Variants in SLC38A10 observed in about 807,000 individuals in gnomAD.
SLC38A10 encodes solute carrier family 38 member 10.
A neutral mutation model predicts 81.0 loss-of-function variants in SLC38A10; 53 were observed. The observed-to-expected ratio is 0.65, with a 90% confidence interval of 0.53 to 0.82. The LOEUF (loss-of-function observed/expected upper bound fraction) is 0.82, where lower values mean the gene tolerates loss of function less well. SLC38A10 is among the 40% of genes least tolerant of loss of function. The pLI, the probability that SLC38A10 is intolerant of heterozygous loss-of-function variation, is 0.00. For synonymous variants in SLC38A10, 665 were observed against 655.3 expected (o/e 1.01, Z -0.23); for missense variants, 1,471 against 1,545.0 (o/e 0.95, Z 0.80).
chr17:81,252,978 C>T (rs2062933525), intron 12 of SLC38A10, 95 bp downstream of exon 12: 61 of 1,457,914 alleles, frequency 4.2e-5, no homozygotes, highest in Non-Finnish European at 5.7e-5. Flanking sequence ...AAAAGATACA[C>T]ACAGCCCTGA....
rs754562811 is a variant in SLC38A10, at chr17:81,283,514, CG to C, written c.264-13del. 10 of 1,598,640 alleles carry C rather than the reference CG, an allele frequency of 6.3e-6. No homozygotes were observed. Among genetic ancestry groups the C allele is most frequent in the East Asian group, 4.5e-5 (2 of 43,996 alleles). On this transcript the variant is annotated splice_polypyrimidine_tract_variant and intron_variant, in intron 3 of 15. Transcript: ENST00000374759. This position sits in a 1 kb window ranked among gnomAD's most constrained non-coding sequence, Gnocchi z 4.7. ...TCAGCCCGATCATGCTGCACAGGGA[CG>C]GGGGGTACGGGAAATGCCATCAGGG...
chr17:81,256,531 G>A (rs997593520), intron 11 of SLC38A10, among the ~76,000 whole-genome samples: 6 of 152,190 alleles, frequency 3.9e-5, no homozygotes, highest in Non-Finnish European at 8.8e-5. Context: ...ACGGCCCCCA[G>A]ACGAAGTGAC....
At chr17:81,256,282 G>A (rs759200401) in intron 11 of SLC38A10, among the ~76,000 whole-genome samples, 9 of 152,332 alleles carry the variant, frequency 5.9e-5, no homozygotes, top group Non-Finnish European at 1.0e-4. Flanking sequence ...AGACATGCTC[G>A]GGGACTTGGA....
intron 5 of SLC38A10, 59 bp from the exon 6 acceptor site, chr17:81,280,792 T>G: frequency 1.3e-6 from 2 of 1,550,558 alleles, no homozygotes; most frequent in Non-Finnish European, 8.7e-7. Flanking sequence ...GGACTCAGCA[T>G]CCCGGCCCAC....
Position 81,265,732 on chromosome 17 carries a change from G to A in SLC38A10, c.1131+5186C>T, listed in dbSNP as rs756499863. ...GACAGTGGCCACGCCGAGATGTGGC[G>A]CCACAGGCCCAGGGTACGGCCTTGC... On this transcript the variant is annotated intron_variant, in intron 10 of 15. Coordinates refer to ENST00000374759, the MANE Select transcript of SLC38A10 (RefSeq NM_001037984.3). This position sits in a 1 kb window ranked among gnomAD's most constrained non-coding sequence, Gnocchi z 4.2. Among the ~76,000 whole-genome samples, 8 of 152,342 alleles carry A rather than the reference G, an allele frequency of 5.3e-5. No homozygotes were observed. The highest frequency in any genetic ancestry group is 2.1e-4 in the South Asian group (1 of 4,826).
intron 11 of SLC38A10, 61 bp downstream of exon 11, chr17:81,260,177 C>G (rs976835317): frequency 1.3e-6 from 2 of 1,529,648 alleles, no homozygotes; most frequent in African/African-American, 2.7e-5. Flanking sequence ...TCGGACCAGA[C>G]CCAGGAGACA....
At chr17:81,287,507 C>T (rs1007430878) in intron 2 of SLC38A10, among the ~76,000 whole-genome samples, 5 of 152,256 alleles carry the variant, frequency 3.3e-5, no homozygotes, top group Admixed American at 1.3e-4. Context: ...CTGCAGCTGA[C>T]GCGGAGCAGC....
chr17:81,254,863 A>C (rs1449056155), intron 11 of SLC38A10, among the ~76,000 whole-genome samples: 2 of 152,264 alleles, frequency 1.3e-5, no homozygotes, highest in African/African-American at 4.8e-5. Flanking sequence ...CATAACTGTC[A>C]ATCAAGAGGG....
In SLC38A10 at chr17:81,246,905, T is replaced by C; in HGVS notation, c.2222A>G (p.Glu741Gly). The C allele has an allele frequency of 6.2e-7, 1 of 1,602,398 alleles. No individual in the cohort carries two copies. Residue 741 changes from glutamate to glycine, a missense_variant, in exon 15 of 16, where the codon GAG becomes GGG. Coordinates refer to ENST00000374759, the MANE Select transcript of SLC38A10 (RefSeq NM_001037984.3). ...KEIHQQRQEDEEDKPRQVEVH... is the reference protein window; with the variant it reads ...KEIHQQRQEDGEDKPRQVEVH... ...CCTACCCTGCCTGGGTTTATCCTCC[T>C]CGTCCTCCTGCCTCTGCTGGTGGAT... is the stretch of plus-strand genomic sequence containing the variant.
chr17:81,251,920 CCGCCCCCCGTGT>C (rs1473169626), intron 13 of SLC38A10: 5 of 535,646 alleles, frequency 9.3e-6, no homozygotes, highest in Non-Finnish European at 1.5e-5. Flanking sequence ...GCCCCCCGCG[CCGCCCCCCGTGT>C]GCGCCCAGAC....
At chr17:81,256,811 A>G (rs1419119317) in intron 11 of SLC38A10, among the ~76,000 whole-genome samples, 1 of 152,200 alleles carries the variant, frequency 6.6e-6, no homozygotes, top group Non-Finnish European at 1.5e-5. Flanking sequence ...CTGACCAATG[A>G]CCTCATGGTC....
rs1055661299 is a variant in SLC38A10, at chr17:81,265,739, G to T, written c.1131+5179C>A. Among the ~76,000 whole-genome samples, 1 of 152,226 alleles carries T rather than the reference G, an allele frequency of 6.6e-6. No individual in the cohort carries two copies. Among genetic ancestry groups the T allele is most frequent in the Non-Finnish European group, 1.5e-5 (1 of 68,034 alleles). ...GCCACGCCGAGATGTGGCGCCACAG[G>T]CCCAGGGTACGGCCTTGCGGTGCTG... On this transcript the variant is annotated intron_variant, in intron 10 of 15. Transcript: ENST00000374759. This position sits in a 1 kb window ranked among gnomAD's most constrained non-coding sequence, Gnocchi z 4.2.
intron 11 of SLC38A10, among the ~76,000 whole-genome samples, chr17:81,257,054 C>T (rs938247122): frequency 4.6e-5 from 7 of 152,226 alleles, no homozygotes; most frequent in Admixed American, 4.6e-4. Flanking sequence ...CCACATGCTT[C>T]TCCCTTCTCT....
rs994274345 is a variant in SLC38A10, at chr17:81,245,286, C to T, written c.*270G>A. The T allele has an allele frequency of 9.8e-6, 4 of 409,218 alleles. No homozygotes were observed. The highest frequency in any genetic ancestry group is 1.7e-5 in the Non-Finnish European group (4 of 230,562). 25.3% of individuals were successfully genotyped at this position (409,218 alleles called of 1,614,324 possible). A position where few individuals can be genotyped will look rare whatever the true frequency, so the allele number is the denominator to read the frequency against. On this transcript the variant is annotated 3_prime_UTR_variant, in exon 16 of 16. Transcript: ENST00000374759. The stretch of plus-strand genomic sequence containing the variant: ...GCACCAGCCAGCTCGCAGCGGAGGC[C>T]GTTTCTCCTCACAGGCTGGAGTGAG...
intron 14 of SLC38A10, chr17:81,250,858 A>C: frequency 1.9e-6 from 2 of 1,038,592 alleles, no homozygotes; most frequent in Non-Finnish European, 1.2e-6. Context: ...CTGAGACCCA[A>C]GGGGCGAGAA....
chr17:81,252,016 C>T (rs2062920009), intron 13 of SLC38A10, 179 bp downstream of exon 13: 1 of 851,732 alleles, frequency 1.2e-6, no homozygotes, highest in Non-Finnish European at 1.8e-6. Flanking sequence ...CAGTAGCTGT[C>T]AGCCACCAGC....
rs754117418 is a variant in SLC38A10 at position 81,276,089 on chromosome 17, A to G, written c.792T>C (p.Phe264=). 3.1e-6 allele frequency: 5 copies of G among 1,613,844 alleles called. No homozygotes were observed. In the African/African-American group the frequency reaches 4.0e-5, roughly 13 times the overall value. ...EATAGNVLMH[F]PSNLVTEMLR... ...GCATCTCCGTCACCAGGTTGGAGGG[A>G]AAGTGCATGAGCACGTTGCCGGCCG... The change falls in exon 8 of 16, where the codon TTT becomes TTC. Residue 264 remains phenylalanine (F), a synonymous_variant. Coordinates refer to ENST00000374759, the MANE Select transcript of SLC38A10 (RefSeq NM_001037984.3). This position sits in a 1 kb window ranked among gnomAD's most constrained non-coding sequence, Gnocchi z 4.7.
In SLC38A10 at chr17:81,245,623, C is replaced by T. The variant is rs755571979; in HGVS notation, c.3293G>A (p.Gly1098Glu). The change falls in exon 16 of 16, where the codon GGG (glycine) becomes GAG (glutamate). Residue 1098 changes from glycine to glutamate, a missense_variant. Gly to Glu is a moderately conservative substitution (Grantham distance 98, BLOSUM62 -2). This residue lies in a region of SLC38A10 where 751 missense variants were observed against 717.4 expected (regional missense o/e 1.05). Transcript: ENST00000374759. ...ALDAQLRQAA[G>E]GALQVVHSRQ... ...GCTGTGGACCACCTGCAGAGCTCCC[C>T]CCGCAGCCTGGCGGAGCTGGGCATC... 5 of 1,612,194 alleles carry T rather than the reference C, an allele frequency of 3.1e-6. No individual in the cohort carries two copies. The highest frequency in any genetic ancestry group is 4.2e-6 in the Non-Finnish European group (5 of 1,179,788).
intron 6 of SLC38A10, chr17:81,280,076 G>A: frequency 2.3e-6 from 1 of 435,326 alleles, no homozygotes; most frequent in South Asian, 1.6e-5. Context: ...TTCCAACCGG[G>A]CACGAATCAC....
Sources: gnomAD v4.1 joint callset for allele counts (sites outside exome capture counted in the v4.1 genomes callset) on GRCh38, gnomAD v4.1.1 for gene constraint, gnomAD v4.1.1 regional missense constraint, Gnocchi (gnomAD v3.1) non-coding constraint, MANE v1.5 for transcripts, NCBI Gene and HGNC (gene_info 2026-07-23, HGNC 2026-07-21) for gene names.